Variants in PDCD1LG2 observed in about 807,000 individuals in gnomAD.
The protein encoded by PDCD1LG2 is programmed cell death 1 ligand 2, also known as B7 dendritic cell molecule.
Under a neutral mutation model 28.2 loss-of-function variants are expected in PDCD1LG2, and 32 were observed. The ratio of observed to expected loss-of-function variants is 1.13; its 90% CI spans 0.86 to 1.52. PDCD1LG2 has a LOEUF of 1.52. Among genes scored for constraint, PDCD1LG2 ranks in the 40% most tolerant of loss-of-function variants. PDCD1LG2 has a pLI of 0.00. For synonymous variants in PDCD1LG2, 116 were observed against 120.2 expected, an observed-to-expected ratio of 0.97 and a Z score of 0.23; for missense variants, 385 against 323.8, an observed-to-expected ratio of 1.19 and a Z score of -1.45.
At chr9:5,545,371 TG>T (rs1198581018) in intron 3 of PDCD1LG2, among the ~76,000 whole-genome samples, 1 of 152,278 alleles carries the variant, frequency 6.6e-6, no homozygotes, top group African/African-American at 2.4e-5. Context: ...GGCACAATTT[TG>T]CTTGGCATGA....
chr9:5,529,894 G>A (rs1331291805), intron 2 of PDCD1LG2, among the ~76,000 whole-genome samples: 1 of 152,200 alleles, frequency 6.6e-6, no homozygotes, highest in Admixed American at 6.5e-5. Context: ...ACTGAGCAGA[G>A]CATGAGTCAG....
At chr9:5,536,577 T>A (rs1228418246) in intron 3 of PDCD1LG2, among the ~76,000 whole-genome samples, 2 of 152,210 alleles carry the variant, frequency 1.3e-5, no homozygotes, top group Non-Finnish European at 2.9e-5. Flanking sequence ...AATCACCACC[T>A]CTGTTTTTAT....
chr9:5,521,456 T>C (rs1163699920), intron 1 of PDCD1LG2, among the ~76,000 whole-genome samples: 1 of 152,138 alleles, frequency 6.6e-6, no homozygotes, highest in Non-Finnish European at 1.5e-5. Context: ...AAAATAAAAT[T>C]TTAAAACAAA....
intron 4 of PDCD1LG2, among the ~76,000 whole-genome samples, chr9:5,550,523 T>G (rs925134357): frequency 6.6e-6 from 1 of 152,174 alleles, no homozygotes; most frequent in African/African-American, 2.4e-5. Flanking sequence ...TTCACTGGGC[T>G]CAAATCAAGG....
rs147435532 is a variant in PDCD1LG2, at chr9:5,529,158, G to A, written c.56-5587G>A. ...GCAGAGCAAAGATTTTAATTTTGAT[G>A]AAGTTTGATTTATCAATGTTTTCTT... On this transcript the variant is annotated intron_variant, in intron 2 of 6. Coordinates refer to ENST00000397747, the MANE Select transcript of PDCD1LG2 (RefSeq NM_025239.4). Among the ~76,000 whole-genome samples, 86 of 152,304 alleles carry A rather than the reference G, an allele frequency of 5.6e-4. 1 individual carries two copies. In the East Asian group the frequency reaches 0.015, roughly 26 times the overall value.
intron 5 of PDCD1LG2, among the ~76,000 whole-genome samples, chr9:5,559,196 G>A (rs919414324): frequency 5.9e-5 from 9 of 152,244 alleles, no homozygotes; most frequent in African/African-American, 1.9e-4. Flanking sequence ...AGTGAGTGAG[G>A]ATATCAGTAG....
intron 3 of PDCD1LG2, among the ~76,000 whole-genome samples, chr9:5,547,773 C>T (rs1378606070): frequency 2.0e-5 from 3 of 151,802 alleles, no homozygotes; most frequent in Non-Finnish European, 4.4e-5. Context: ...CCCATCTCTA[C>T]TGAAAATAGA....
chr9:5,512,576 G>T (rs1162817753), intron 1 of PDCD1LG2, among the ~76,000 whole-genome samples: 1 of 152,166 alleles, frequency 6.6e-6, no homozygotes, highest in Admixed American at 6.5e-5. Context: ...CCTGAGTTCA[G>T]ATCTTTTCTT....
chr9:5,525,645 A>T (rs963482649), intron 2 of PDCD1LG2, among the ~76,000 whole-genome samples: 3 of 152,098 alleles, frequency 2.0e-5, no homozygotes, highest in African/African-American at 7.2e-5. Flanking sequence ...TATTGAGTAA[A>T]AAATAAATAA....
At chr9:5,525,780 G>T (rs538489435) in intron 2 of PDCD1LG2, among the ~76,000 whole-genome samples, 1 of 152,132 alleles carries the variant, frequency 6.6e-6, no homozygotes. Flanking sequence ...CGGGCATGGT[G>T]GCTCACGCCT....
chr9:5,514,832 T>C (rs1820126128), intron 1 of PDCD1LG2, among the ~76,000 whole-genome samples: 2 of 128,556 alleles, frequency 1.6e-5, no homozygotes, highest in African/African-American at 5.9e-5. Context: ...AACTGATAAA[T>C]ACAAGGTAGA....
intron 1 of PDCD1LG2, among the ~76,000 whole-genome samples, chr9:5,514,486 G>A (rs909709303): frequency 4.6e-5 from 7 of 151,970 alleles, no homozygotes; most frequent in African/African-American, 1.5e-4. Context: ...TTCTGTTTAC[G>A]AACTTATCCT....
intron 2 of PDCD1LG2, among the ~76,000 whole-genome samples, chr9:5,522,913 G>C (rs1027545389): frequency 3.9e-5 from 6 of 152,168 alleles, no homozygotes; most frequent in African/African-American, 1.4e-4. Context: ...GGCAGGGGTT[G>C]AGTTCCCTTA....
At chr9:5,527,349 C>T (rs1820399993) in intron 2 of PDCD1LG2, among the ~76,000 whole-genome samples, 1 of 152,208 alleles carries the variant, frequency 6.6e-6, no homozygotes, top group Non-Finnish European at 1.5e-5. Flanking sequence ...ACTTACTGAT[C>T]TATTTTCTGT....
In PDCD1LG2 at chr9:5,557,726, T is replaced by A. The variant is rs139007200; in HGVS notation, c.740T>A (p.Leu247His). 1.4e-4 allele frequency: 228 copies of A among 1,613,960 alleles called. 1 individual carries two copies. Among genetic ancestry groups the A allele is most frequent in the Middle Eastern group, 9.9e-4 (6 of 6,062 alleles). The change falls in exon 5 of 7, where the codon CTC becomes CAC. Residue 247 changes from leucine (L) to histidine (H), a missense_variant. Leu to His is a moderately conservative substitution (Grantham distance 99). Transcript: ENST00000397747. ...IATVIALRKQ[L>H]CQKLYSSKDT... ...ACAGTGATAGCCCTAAGAAAACAAC[T>A]CTGTCAAAAGCTGTATTCTTCAAAA...
At chr9:5,552,463 G>A (rs1222619292) in intron 4 of PDCD1LG2, among the ~76,000 whole-genome samples, 1 of 152,164 alleles carries the variant, frequency 6.6e-6, no homozygotes, top group African/African-American at 2.4e-5. Context: ...GTCATTAGAA[G>A]TAATGGTGAG....
chr9:5,537,949 C>T (rs927405836), intron 3 of PDCD1LG2, among the ~76,000 whole-genome samples: 2 of 152,196 alleles, frequency 1.3e-5, no homozygotes, highest in South Asian at 4.1e-4. Context: ...GAAAAGTTTT[C>T]ATTTCAATAG....
At chr9:5,553,406 T>C (rs961061070) in intron 4 of PDCD1LG2, among the ~76,000 whole-genome samples, 1 of 152,152 alleles carries the variant, frequency 6.6e-6, no homozygotes, top group Non-Finnish European at 1.5e-5. Flanking sequence ...CTGTCGTTCG[T>C]TATATGGAAT....
In PDCD1LG2 at chr9:5,570,584, T is replaced by C. The variant is rs1586825811; in HGVS notation, c.*625T>C. ...GGAGTAAAGTCATCAAGCTCTGTTTTTGAGGTCTAAGTCACAAAGCATTTG... is the reference window on the plus strand; with the variant it reads ...GGAGTAAAGTCATCAAGCTCTGTTTCTGAGGTCTAAGTCACAAAGCATTTG... On this transcript the variant is annotated 3_prime_UTR_variant, in exon 7 of 7. Coordinates refer to ENST00000397747, the MANE Select transcript of PDCD1LG2 (RefSeq NM_025239.4). 1.3e-5 allele frequency: 3 copies of C among 232,978 alleles called. No individual in the cohort carries two copies. In the East Asian group the frequency reaches 1.8e-4, roughly 14 times the overall value. 14.4% of individuals were successfully genotyped at this position (232,978 alleles called of 1,614,324 possible).
Sources: allele counts gnomAD v4.1 joint callset (sites outside exome capture counted in the v4.1 genomes callset), GRCh38; gene constraint gnomAD v4.1.1; transcripts MANE v1.5; gene names NCBI Gene and HGNC (gene_info 2026-07-23, HGNC 2026-07-21).